Variants in SORCS1 observed in about 807,000 individuals in gnomAD.
SORCS1 encodes VPS10 domain-containing receptor SorCS1.
In SORCS1, 60 loss-of-function variants were observed where a neutral mutation model predicts 146.1. The observed-to-expected ratio is 0.41, with a 90% confidence interval of 0.33 to 0.51. The LOEUF is 0.51. Ranked by LOEUF, SORCS1 falls within the 20% of genes least tolerant of loss-of-function variation. The pLI is 0.21. For synonymous variants in SORCS1, 637 were observed against 584.0 expected, an observed-to-expected ratio of 1.09 and a Z score of -1.31; for missense variants, 1,352 against 1,487.6, an observed-to-expected ratio of 0.91 and a Z score of 1.50.
intron 1 of SORCS1, among the ~76,000 whole-genome samples, chr10:107,099,800 G>A (rs1034863402): frequency 5.3e-5 from 8 of 152,104 alleles, no homozygotes; most frequent in Non-Finnish European, 8.8e-5. Flanking sequence ...TAGTGCATAC[G>A]TATTAAGTGC....
chr10:106,818,337 C>T (rs1947843502), intron 3 of SORCS1, among the ~76,000 whole-genome samples: 1 of 150,980 alleles, frequency 6.6e-6, no homozygotes, highest in African/African-American at 2.4e-5. Flanking sequence ...TACATTATTA[C>T]ATAAAAACTG....
chr10:106,865,180 G>A (rs569530205), intron 2 of SORCS1, among the ~76,000 whole-genome samples: 5 of 149,874 alleles, frequency 3.3e-5, no homozygotes, highest in African/African-American at 9.8e-5. Context: ...CTTTTTAAGC[G>A]GGTCCCTGAT....
rs1333271023 is a variant in SORCS1 at position 106,960,442 on chromosome 10, G to A, written c.559-3862C>T. Among the ~76,000 whole-genome samples the A allele has an allele frequency of 6.7e-6, 1 of 149,246 alleles. No homozygotes were observed. Among genetic ancestry groups the A allele is most frequent in the Non-Finnish European group, 1.5e-5 (1 of 67,668 alleles). ...TTTTTTTGAGATGGAATCTCGCTCT[G>A]TCGCCAGGCTGGAGTGCAGTGGCGT... On this transcript the variant is annotated intron_variant, in intron 1 of 25. Coordinates refer to ENST00000263054, the MANE Select transcript of SORCS1 (RefSeq NM_052918.5). The surrounding 1 kb of genome is among the most constrained non-coding windows in gnomAD (Gnocchi z 4.4).
intron 3 of SORCS1, among the ~76,000 whole-genome samples, chr10:106,792,090 C>A (rs1277522598): frequency 1.3e-5 from 2 of 152,148 alleles, no homozygotes; most frequent in African/African-American, 4.8e-5. Flanking sequence ...TCTGCTTATG[C>A]ACACTTTCTA....
At chr10:107,125,076 C>A (rs924752452) in intron 1 of SORCS1, among the ~76,000 whole-genome samples, 1 of 151,648 alleles carries the variant, frequency 6.6e-6, no homozygotes, top group Admixed American at 6.6e-5. Flanking sequence ...CCTCCGCCTC[C>A]CAAGCAGCTG....
chr10:106,932,809 C>G (rs1379674480), intron 2 of SORCS1, among the ~76,000 whole-genome samples: 1 of 152,192 alleles, frequency 6.6e-6, no homozygotes, highest in South Asian at 2.1e-4. Flanking sequence ...AAATGCTTAA[C>G]TGGGGATTAG....
intron 3 of SORCS1, among the ~76,000 whole-genome samples, chr10:106,804,387 A>C (rs59494753): frequency 4.0e-4 from 34 of 85,240 alleles, no homozygotes; most frequent in African/African-American, 1.3e-3. Context: ...ATAAAATAAA[A>C]TAAACCTAAC....
intron 6 of SORCS1, among the ~76,000 whole-genome samples, chr10:106,724,812 C>T (rs1048302872): frequency 1.3e-5 from 2 of 152,202 alleles, no homozygotes; most frequent in Non-Finnish European, 1.5e-5. Flanking sequence ...TATGTGAACA[C>T]ACTAAAATCA....
In SORCS1 at chr10:106,577,479, G is replaced by A. The variant is rs1844638394; in HGVS notation, c.3448C>T (p.His1150Tyr). Residue 1150 changes from histidine (H) to tyrosine (Y), a missense_variant, in exon 26 of 26, where the codon CAC becomes TAC. Transcript: ENST00000263054. ...TTTGGCGTTGAAGGCGGAGTGGCGT[G>A]TCTTGCTCTTTGCAATCGGAGAGAT... ...DSSLRLQRAR[H>Y]ATPPSTPKRG... 6.5e-7 allele frequency: 1 copy of A among 1,548,068 alleles called. No homozygotes were observed.
At chr10:106,589,807 C>T (rs1845493105) in intron 24 of SORCS1, among the ~76,000 whole-genome samples, 1 of 150,876 alleles carries the variant, frequency 6.6e-6, no homozygotes, top group Non-Finnish European at 1.5e-5. Flanking sequence ...TGTGTAAATA[C>T]TTTGTTAAAA....
intron 17 of SORCS1, among the ~76,000 whole-genome samples, chr10:106,666,214 G>A (rs952172358): frequency 2.0e-5 from 3 of 152,176 alleles, no homozygotes; most frequent in East Asian, 3.9e-4. Flanking sequence ...TCTCTAGTGA[G>A]GGTGGGCCTC....
chr10:106,704,057 A>T lies in SORCS1; in HGVS notation c.1233+2488T>A, dbSNP rs114854695. Among the ~76,000 whole-genome samples, 907 of 152,330 alleles carry T rather than the reference A, an allele frequency of 6.0e-3. 9 individuals are homozygous for T. Among genetic ancestry groups the T allele is most frequent in the African/African-American group, 0.021 (870 of 41,576 alleles). On this transcript the variant is annotated intron_variant, in intron 8 of 25. Coordinates refer to ENST00000263054, the MANE Select transcript of SORCS1 (RefSeq NM_052918.5). ...TTTCCTTCCATATTGGCTAGATGCC[A>T]CTGCGGGCAACTGTCAGCAGTGATC...
Position 106,761,636 on chromosome 10 carries a change from C to T in SORCS1, c.911G>A (p.Arg304Lys). The T allele has an allele frequency of 6.2e-7, 1 of 1,614,158 alleles. No individual in the cohort carries two copies. The highest frequency in any genetic ancestry group is 8.5e-7 in the Non-Finnish European group (1 of 1,180,008). ...QKLYSSAEFGRRWQLIQEGVV... is the reference protein window; with the variant it reads ...QKLYSSAEFGKRWQLIQEGVV... ...CCCTTCTTGGATAAGCTGCCATCTT[C>T]TCCCAAATTCAGCAGAGCTGTATAA... is the stretch of plus-strand genomic sequence containing the variant. The change falls in exon 5 of 26, where the codon AGA (arginine) becomes AAA (lysine). Residue 304 changes from arginine to lysine, a missense_variant. By Grantham distance (26) the Arg-to-Lys change is conservative (BLOSUM62 2). Coordinates refer to ENST00000263054, the MANE Select transcript of SORCS1 (RefSeq NM_052918.5).
chr10:106,759,515 AATATTAAT>A lies in SORCS1; in HGVS notation c.959+2065_959+2072del, dbSNP rs558467899. 2.0e-3 allele frequency among the ~76,000 whole-genome samples: 309 copies of A among 152,276 alleles called. No homozygotes were observed. In the Middle Eastern group the frequency reaches 0.02, roughly 10 times the overall value. On this transcript the variant is annotated intron_variant, in intron 5 of 25. Transcript: ENST00000263054. ...GGATGTACATTCAAAGGTATTGATA[AATATTAAT>A]ATCAAAATCACACTAGAATGTTCTG...
intron 6 of SORCS1, among the ~76,000 whole-genome samples, chr10:106,720,467 A>C (rs1855704341): frequency 6.6e-6 from 1 of 151,428 alleles, no homozygotes; most frequent in Admixed American, 6.6e-5. Context: ...ACACCAGATA[A>C]ATAATAGGAA....
At chr10:106,987,178 A>C (rs138603942) in intron 1 of SORCS1, among the ~76,000 whole-genome samples, 1 of 152,292 alleles carries the variant, frequency 6.6e-6, no homozygotes, top group African/African-American at 2.4e-5. Context: ...TCTTTGGATG[A>C]GACTCTTTGG....
chr10:106,715,287 C>T (rs1158167872), intron 6 of SORCS1, among the ~76,000 whole-genome samples: 2 of 152,216 alleles, frequency 1.3e-5, no homozygotes, highest in African/African-American at 4.8e-5. Context: ...AATTTCATTA[C>T]TTTTCCTACA....
At position 106,618,213 on chromosome 10, in the gene SORCS1, G is replaced by A; in HGVS notation, c.2856C>T (p.Thr952=). 2 of 1,614,072 alleles carry A rather than the reference G, an allele frequency of 1.2e-6. No homozygotes were observed. Among genetic ancestry groups the A allele is most frequent in the Middle Eastern group, 1.6e-4 (1 of 6,062 alleles). The change falls in exon 21 of 26, where the codon ACC becomes ACT. Residue 952 remains threonine (T), a synonymous_variant. Transcript: ENST00000263054. ...TCCCAGCTGAGACCTGCACTGTGATGGTATTCATTCCTTCTGAAGTAAATC... is the reference window on the plus strand; with the variant it reads ...TCCCAGCTGAGACCTGCACTGTGATAGTATTCATTCCTTCTGAAGTAAATC... The part of the protein sequence containing the change: ...SFRFTSEGMN[T]ITVQVSAGNA...
chr10:106,731,994 TGTC>T (rs1269792930), intron 5 of SORCS1, among the ~76,000 whole-genome samples: 1 of 152,194 alleles, frequency 6.6e-6, no homozygotes, highest in Non-Finnish European at 1.5e-5. Flanking sequence ...CATTAATCAT[TGTC>T]CTAGGGTTAT....
Sources: allele counts gnomAD v4.1 joint callset (sites outside exome capture counted in the v4.1 genomes callset), GRCh38; gene constraint gnomAD v4.1.1; non-coding constraint Gnocchi (gnomAD v3.1); transcripts MANE v1.5; gene names NCBI Gene and HGNC (gene_info 2026-07-23, HGNC 2026-07-21).